Variants in SLC37A2 observed in about 807,000 individuals in gnomAD.
SLC37A2 encodes the protein glucose-6-phosphate exchanger SLC37A2.
Under a neutral mutation model 70.7 loss-of-function variants are expected in SLC37A2, and 59 were observed. That is an observed-to-expected ratio of 0.83 (90% CI 0.68 to 1.04). The LOEUF (loss-of-function observed/expected upper bound fraction) is 1.04, where lower values mean the gene tolerates loss of function less well. Ranked by LOEUF, SLC37A2 falls within the 50% of genes least tolerant of loss-of-function variation. The pLI, the probability that SLC37A2 is intolerant of heterozygous loss-of-function variation, is 0.00. For synonymous variants in SLC37A2, 257 were observed against 262.1 expected, an observed-to-expected ratio of 0.98 and a Z score of 0.19; for missense variants, 580 against 658.1, an observed-to-expected ratio of 0.88 and a Z score of 1.30.
chr11:125,081,376 G>A (rs188584480), intron 7 of SLC37A2, 45 bp from the exon 8 acceptor site: 4 of 1,577,680 alleles, frequency 2.5e-6, no homozygotes, highest in African/African-American at 1.4e-5. Context: ...GGGATTGGGG[G>A]GGCGGGGGTT....
At chr11:125,085,168 G>A (rs775038285) in intron 14 of SLC37A2, 29 bp downstream of exon 14, 1 of 1,605,238 alleles carries the variant, frequency 6.2e-7, no homozygotes, top group Admixed American at 1.7e-5. Context: ...CGAGGGCCAG[G>A]GACCGTTCTG....
At chr11:125,075,654 G>A (rs1949077629) in intron 1 of SLC37A2, among the ~76,000 whole-genome samples, 1 of 152,258 alleles carries the variant, frequency 6.6e-6, no homozygotes, top group Non-Finnish European at 1.5e-5. Flanking sequence ...GAGCCTCGTA[G>A]CCCAAGCCCA....
chr11:125,064,338 C>T (rs1225439527), intron 1 of SLC37A2, among the ~76,000 whole-genome samples: 1 of 151,870 alleles, frequency 6.6e-6, no homozygotes, highest in Non-Finnish European at 1.5e-5. Flanking sequence ...TCCATTCCCC[C>T]CTCACACCCC....
At position 125,083,819 on chromosome 11, in the gene SLC37A2, C is replaced by G. The variant is rs778251965; in HGVS notation, c.981C>G (p.His327Gln). 1.9e-6 allele frequency: 3 copies of G among 1,614,012 alleles called. No individual in the cohort carries two copies. The East Asian group carries it at 6.7e-5, about 36-fold the overall frequency. ...WLPLYIANVA[H>Q]FSAKEAGDLS... is the part of the protein sequence containing the mutation. ...ACATACCTGTATTTTCCACAGCTCACTTTAGTGCCAAGGAGGCTGGGGACC... is the reference window on the plus strand; with the variant it reads ...ACATACCTGTATTTTCCACAGCTCAGTTTAGTGCCAAGGAGGCTGGGGACC... Residue 327 changes from histidine to glutamine, a missense_variant, in exon 11 of 18, where the codon CAC becomes CAG. His to Gln is a conservative substitution (Grantham distance 24). Transcript: ENST00000403796. The surrounding 1 kb of genome is among the most constrained non-coding windows in gnomAD (Gnocchi z 4.6).
In SLC37A2 at chr11:125,083,897, T is replaced by G. The variant is rs1949176231; in HGVS notation, c.1039+20T>G. On this transcript the variant is annotated intron_variant, in intron 11 of 17. Transcript: ENST00000403796. The surrounding 1 kb of genome is among the most constrained non-coding windows in gnomAD (Gnocchi z 4.6). ...TCATAGGTGAGGCCTTGCCCTGCTC[T>G]GCCAGCAGGCTCCCTTCCCCTCTTT... 3 of 1,611,048 alleles carry G rather than the reference T, an allele frequency of 1.9e-6. No homozygotes were observed. The highest frequency in any genetic ancestry group is 3.3e-5 in the Admixed American group (2 of 60,004).
intron 8 of SLC37A2, 76 bp from the exon 9 acceptor site, chr11:125,081,678 T>G: frequency 6.6e-7 from 1 of 1,503,884 alleles, no homozygotes; most frequent in South Asian, 1.3e-5. Context: ...CAGTGTCTCT[T>G]GCCTGGGCTG....
chr11:125,081,647 G>A (rs1054870123), intron 8 of SLC37A2, 107 bp from the exon 9 acceptor site: 13 of 1,447,798 alleles, frequency 9.0e-6, no homozygotes, highest in South Asian at 1.4e-5. Flanking sequence ...AGACGAACGT[G>A]TGCCTCCCCA....
chr11:125,076,126 G>A (rs971688464), intron 1 of SLC37A2, among the ~76,000 whole-genome samples: 1 of 152,142 alleles, frequency 6.6e-6, no homozygotes, highest in African/African-American at 2.4e-5. Context: ...GACGTGAGGG[G>A]TGAGAAAGAG....
chr11:125,063,551 G>A lies in SLC37A2; in HGVS notation c.59+125G>A, dbSNP rs540820206. 1.3e-5 allele frequency: 11 copies of A among 870,984 alleles called. No homozygotes were observed. Among genetic ancestry groups the A allele is most frequent in the African/African-American group, 1.2e-4 (7 of 56,142 alleles). The allele number at this position is 870,984 out of a possible 1,614,324, so 54.0% of individuals were successfully genotyped here. ...GTCGCCGCGTGGCCAGGGGTGCTGG[G>A]GGGACTTGGTCCCGAGCTCCTCCAG... On this transcript the variant is annotated intron_variant, in intron 1 of 17. Transcript: ENST00000403796. The surrounding 1 kb of genome is among the most constrained non-coding windows in gnomAD (Gnocchi z 5.4).
chr11:125,083,711 A>T lies in SLC37A2; in HGVS notation c.977-104A>T. Reference sequence around the variant, plus strand: ...CAGGTCCCCAGCTCTTCCTCGGAAAAGGGGGCAGTGGTCTGGATCACGCTC... The same window carrying T: ...CAGGTCCCCAGCTCTTCCTCGGAAATGGGGGCAGTGGTCTGGATCACGCTC... On this transcript the variant is annotated intron_variant, in intron 10 of 17. Transcript: ENST00000403796. This position sits in a 1 kb window ranked among gnomAD's most constrained non-coding sequence, Gnocchi z 4.6. 9.8e-7 allele frequency: 1 copy of T among 1,018,898 alleles called. No individual in the cohort carries two copies. Among genetic ancestry groups the T allele is most frequent in the Non-Finnish European group, 1.5e-6 (1 of 653,066 alleles). 63.1% of individuals were successfully genotyped at this position (1,018,898 alleles called of 1,614,324 possible).
chr11:125,078,134 C>T (rs543591429), intron 4 of SLC37A2, among the ~76,000 whole-genome samples: 5 of 152,246 alleles, frequency 3.3e-5, no homozygotes, highest in East Asian at 3.9e-4. Flanking sequence ...TTGGGTGCGG[C>T]GGTGCAGATG....
chr11:125,082,503 A>T (rs1949161591), intron 10 of SLC37A2, among the ~76,000 whole-genome samples, 169 bp downstream of exon 10: 1 of 152,088 alleles, frequency 6.6e-6, no homozygotes, highest in South Asian at 2.1e-4. Context: ...ACTTAAATGA[A>T]AGCTAAACCC....
At chr11:125,067,353 G>A (rs972163403) in intron 1 of SLC37A2, among the ~76,000 whole-genome samples, 4 of 152,096 alleles carry the variant, frequency 2.6e-5, no homozygotes, top group Non-Finnish European at 4.4e-5. Context: ...TGTTGTTATC[G>A]GGGAAGGCAC....
At chr11:125,073,463 G>A (rs551808004) in intron 1 of SLC37A2, among the ~76,000 whole-genome samples, 11 of 152,316 alleles carry the variant, frequency 7.2e-5, no homozygotes, top group South Asian at 2.1e-4. Context: ...GACCCTACTC[G>A]GCTCCCCTAA....
intron 10 of SLC37A2, 105 bp downstream of exon 10, chr11:125,082,439 GC>G: frequency 1.1e-6 from 1 of 952,272 alleles, no homozygotes; most frequent in African/African-American, 1.6e-5. Context: ...CAGTATATAG[GC>G]AGAATTCCTG....
chr11:125,086,184 G>A (rs374478735), intron 17 of SLC37A2, 166 bp downstream of exon 17: 36 of 1,608,064 alleles, frequency 2.2e-5, no homozygotes, highest in Non-Finnish European at 3.1e-5. Context: ...GTCCTCTGTT[G>A]TCCCCGTGTA....
intron 17 of SLC37A2, chr11:125,086,385 T>C (rs1327372727): frequency 2.4e-6 from 2 of 816,570 alleles, no homozygotes; most frequent in East Asian, 2.4e-5. Context: ...TTGTAAAGAC[T>C]TTCAACCTCA....
At position 125,084,314 on chromosome 11, in the gene SLC37A2, C is replaced by G. The variant is rs1390238393; in HGVS notation, c.1120C>G (p.Pro374Ala). Residue 374 changes from proline (P) to alanine (A), a missense_variant, in exon 12 of 18, where the codon CCC (proline) becomes GCC (alanine). Transcript: ENST00000403796. Reference protein sequence around the residue: ...TCCVMLILAAPMMFLYNYIGQ... With the variant: ...TCCVMLILAAAMMFLYNYIGQ... The stretch of plus-strand genomic sequence containing the variant: ...CTGTGTCATGCTCATCTTGGCTGCC[C>G]CCATGGTGCGTATAACCCCGAGGGT... The G allele has an allele frequency of 6.2e-7, 1 of 1,614,112 alleles. No homozygotes were observed. Among genetic ancestry groups the G allele is most frequent in the Admixed American group, 1.7e-5 (1 of 60,014 alleles).
intron 1 of SLC37A2, among the ~76,000 whole-genome samples, chr11:125,068,214 C>T (rs1226603311): frequency 7.9e-5 from 12 of 152,190 alleles, no homozygotes; most frequent in Admixed American, 7.9e-4. Flanking sequence ...CACTGTGAGC[C>T]TTGACTTTGC....
Sources: allele counts gnomAD v4.1 joint callset (sites outside exome capture counted in the v4.1 genomes callset), GRCh38; gene constraint gnomAD v4.1.1; non-coding constraint Gnocchi (gnomAD v3.1); transcripts MANE v1.5; gene names NCBI Gene and HGNC (gene_info 2026-07-23, HGNC 2026-07-21).